SYNPR: variants seen among roughly 807,000 people sequenced by gnomAD.
SYNPR encodes synaptoporin.
Under a neutral mutation model 32.9 loss-of-function variants are expected in SYNPR, and 23 were observed. That is an observed-to-expected ratio of 0.70 (90% CI 0.50 to 0.99). SYNPR has a LOEUF of 0.99. SYNPR is among the 50% of genes least tolerant of loss of function. The pLI is 0.00. For missense variants in SYNPR, 318 were observed against 349.3 expected (o/e 0.91, Z 0.71); for synonymous variants, 146 against 135.9 (o/e 1.07, Z -0.52).
At chr3:63,503,082 C>A (rs1322425783) in intron 3 of SYNPR, among the ~76,000 whole-genome samples, 1 of 152,134 alleles carries the variant, frequency 6.6e-6, no homozygotes, top group African/African-American at 2.4e-5. Context: ...AGCCATTTTG[C>A]ATTCCCACCA....
intron 3 of SYNPR, among the ~76,000 whole-genome samples, chr3:63,509,261 A>C (rs1701647215): frequency 7.6e-6 from 1 of 131,504 alleles, no homozygotes; most frequent in African/African-American, 3.4e-5. Context: ...ACACACAATT[A>C]AGGCTGAAAG....
intron 3 of SYNPR, among the ~76,000 whole-genome samples, chr3:63,532,593 T>A (rs936610795): frequency 6.6e-6 from 1 of 152,178 alleles, no homozygotes; most frequent in Non-Finnish European, 1.5e-5. Context: ...TGTCTCCTTT[T>A]AGAGAAAATA....
chr3:63,410,601 T>G (rs2088450195), intron 2 of SYNPR, among the ~76,000 whole-genome samples: 1 of 152,162 alleles, frequency 6.6e-6, no homozygotes, highest in African/African-American at 2.4e-5. Context: ...CTGCCTTGTA[T>G]CTTTTAAACA....
chr3:63,568,840 C>T (rs973989164), intron 4 of SYNPR, among the ~76,000 whole-genome samples: 1 of 152,172 alleles, frequency 6.6e-6, no homozygotes, highest in African/African-American at 2.4e-5. Context: ...TGAATTTCCT[C>T]ATGTGATTGC....
chr3:63,574,252 C>T (rs1702940602), intron 4 of SYNPR, among the ~76,000 whole-genome samples: 1 of 152,164 alleles, frequency 6.6e-6, no homozygotes, highest in South Asian at 2.1e-4. Flanking sequence ...CACATTTTGC[C>T]TGTGGCCTCA....
At chr3:63,223,953 T>C (rs192120039), upstream of SYNPR, among the ~76,000 whole-genome samples, 23 of 152,356 alleles carry the variant, frequency 1.5e-4, 1 homozygote, top group Middle Eastern at 0.01. Context: ...ATGTATCTTC[T>C]TGTTGCATAA....
At chr3:63,594,737 A>T (rs1314472576) in intron 4 of SYNPR, among the ~76,000 whole-genome samples, 2 of 152,160 alleles carry the variant, frequency 1.3e-5, no homozygotes, top group African/African-American at 4.8e-5. Context: ...CATTACCAAC[A>T]CCACCATTAA....
chr3:63,609,296 T>C lies in SYNPR; in HGVS notation c.580T>C (p.Ser194Pro). The C allele has an allele frequency of 6.3e-7, 1 of 1,589,736 alleles. No individual in the cohort carries two copies. Among genetic ancestry groups the C allele is most frequent in the East Asian group, 2.3e-5 (1 of 44,098 alleles). ...KCMAIHSPVMSSLNTSVVFGF... is the reference protein window; with the variant it reads ...KCMAIHSPVMPSLNTSVVFGF... Reference sequence around the variant, plus strand: ...CATGGCTATCCACAGCCCTGTTATGTCAAGCTTAAACACTTCTGTGGTAAG... The same window carrying C: ...CATGGCTATCCACAGCCCTGTTATGCCAAGCTTAAACACTTCTGTGGTAAG... The change falls in exon 5 of 6, where the codon TCA becomes CCA. Residue 194 changes from serine (S) to proline (P), a missense_variant. Physicochemically the swap from Ser to Pro is moderately conservative, Grantham distance 74 (BLOSUM62 -1). Coordinates refer to ENST00000478300, the MANE Select transcript of SYNPR (RefSeq NM_001130003.2).
chr3:63,577,261 T>C (rs978213914), intron 4 of SYNPR, among the ~76,000 whole-genome samples: 2 of 152,168 alleles, frequency 1.3e-5, no homozygotes, highest in African/African-American at 2.4e-5. Flanking sequence ...ATCTTCCTAA[T>C]TGAATTCAAC....
At chr3:63,560,731 G>A (rs967326988) in intron 4 of SYNPR, among the ~76,000 whole-genome samples, 3 of 152,208 alleles carry the variant, frequency 2.0e-5, no homozygotes, top group Non-Finnish European at 4.4e-5. Flanking sequence ...AAGTGAGCAA[G>A]TGAGGAACTA....
rs1250801819 is a variant in SYNPR at position 63,595,735 on chromosome 3, A to AG, written c.409-13390_409-13389insG. Among the ~76,000 whole-genome samples, 13 of 30,188 alleles carry AG rather than the reference A, an allele frequency of 4.3e-4. 1 individual carries two copies. Among genetic ancestry groups the AG allele is most frequent in the Non-Finnish European group, 6.1e-4 (13 of 21,168 alleles). The allele number at this position is 30,188 out of a possible 152,430, so 19.8% of individuals were successfully genotyped here. On this transcript the variant is annotated intron_variant, in intron 4 of 5. Coordinates refer to ENST00000478300, the MANE Select transcript of SYNPR (RefSeq NM_001130003.2). ...TCTTATTTTATATATATATATATAT[A>AG]TATATATATATATATATATATATAT...
chr3:63,577,841 G>T (rs1703012240), intron 4 of SYNPR, among the ~76,000 whole-genome samples: 1 of 152,120 alleles, frequency 6.6e-6, no homozygotes, highest in African/African-American at 2.4e-5. Context: ...AACTGGAAGG[G>T]TTACGTAGGA....
intron 2 of SYNPR, among the ~76,000 whole-genome samples, chr3:63,304,340 AAGTG>A (rs1184456111): frequency 6.9e-6 from 1 of 144,288 alleles, no homozygotes; most frequent in Non-Finnish European, 1.5e-5. Flanking sequence ...AAGAAAAAGA[AAGTG>A]TGTGTGTGTT....
chr3:63,208,046 AACACAC>A, the SYNPR span, among the ~76,000 whole-genome samples: 12 of 150,194 alleles, frequency 8.0e-5, no homozygotes, highest in East Asian at 5.9e-4. Flanking sequence ...CACACACACA[AACACAC>A]ACACACACAC....
intron 2 of SYNPR, among the ~76,000 whole-genome samples, chr3:63,426,222 G>A (rs1382410750): frequency 2.0e-5 from 3 of 152,124 alleles, no homozygotes; most frequent in Non-Finnish European, 4.4e-5. Flanking sequence ...GCCTGTAAGT[G>A]GGGAAGCATT....
At chr3:63,247,053 G>A (rs778630565) in intron 1 of SYNPR, among the ~76,000 whole-genome samples, 14 of 151,730 alleles carry the variant, frequency 9.2e-5, no homozygotes, top group African/African-American at 3.4e-4. Context: ...TCCTGCACAT[G>A]TACCCCTGAA....
At chr3:63,535,731 CAAA>C (rs3083192) in intron 3 of SYNPR, among the ~76,000 whole-genome samples, 8 of 137,784 alleles carry the variant, frequency 5.8e-5, no homozygotes, top group Non-Finnish European at 6.4e-5. Context: ...TATCCACATG[CAAA>C]AAAAAAAAAA....
the SYNPR span, among the ~76,000 whole-genome samples, chr3:63,221,544 G>T: frequency 6.6e-6 from 1 of 152,076 alleles, no homozygotes; most frequent in South Asian, 2.1e-4. Context: ...AATAGAAAGC[G>T]TATATTTGGC....
intron 2 of SYNPR, among the ~76,000 whole-genome samples, chr3:63,466,285 T>C (rs1277556850): frequency 1.3e-5 from 2 of 152,080 alleles, no homozygotes; most frequent in Non-Finnish European, 2.9e-5. Flanking sequence ...TTGGACTTTC[T>C]GTAGTTTGCT....
Sources: gnomAD v4.1 joint callset for allele counts (sites outside exome capture counted in the v4.1 genomes callset) on GRCh38, gnomAD v4.1.1 for gene constraint, MANE v1.5 for transcripts, NCBI Gene and HGNC (gene_info 2026-07-23, HGNC 2026-07-21) for gene names.